The following PDLIM1 variants were observed in gnomAD, a reference collection of about 807,000 sequenced individuals.
PDLIM1 encodes PDZ and LIM domain 1, also known as PDZ and LIM domain protein 1.
In PDLIM1, 25 loss-of-function variants were observed where a neutral mutation model predicts 35.2. The ratio of observed to expected loss-of-function variants is 0.71; its 90% confidence interval spans 0.52 to 0.99. The LOEUF is 0.99. PDLIM1 is among the 50% of genes least tolerant of loss of function. The pLI, the probability that PDLIM1 is intolerant of heterozygous loss-of-function variation, is 0.00. For synonymous variants in PDLIM1, 152 were observed against 154.0 expected, an observed-to-expected ratio of 0.99 and a Z score of 0.10; for missense variants, 363 against 415.3, an observed-to-expected ratio of 0.87 and a Z score of 1.09.
At chr10:95,265,111 C>G (rs1377801922) in intron 3 of PDLIM1, among the ~76,000 whole-genome samples, 1 of 151,988 alleles carries the variant, frequency 6.6e-6, no homozygotes, top group East Asian at 1.9e-4. Flanking sequence ...CTTAAAACAC[C>G]CAGGCCCAGA....
At chr10:95,258,391 A>G (rs1313428546) in intron 4 of PDLIM1, among the ~76,000 whole-genome samples, 1 of 152,112 alleles carries the variant, frequency 6.6e-6, no homozygotes, top group African/African-American at 2.4e-5. Flanking sequence ...AATCCCAGCT[A>G]CTCGGGAGGC....
chr10:95,237,691 C>A lies in PDLIM1; in HGVS notation c.*234G>T. On this transcript the variant is annotated 3_prime_UTR_variant, in exon 7 of 7. Transcript: ENST00000329399. ...AGAGAAGAACGGTGGGGCGAAGGGA[C>A]ACAGTGTTGCTGACAAGGTGACACT... 1.9e-6 allele frequency: 1 copy of A among 516,974 alleles called. No individual in the cohort carries two copies. The highest frequency in any genetic ancestry group is 3.4e-6 in the Non-Finnish European group (1 of 289,996). 32.0% of individuals were successfully genotyped at this position (516,974 alleles called of 1,614,324 possible).
chr10:95,269,659 T>C (rs2035446016), intron 2 of PDLIM1, among the ~76,000 whole-genome samples: 1 of 152,130 alleles, frequency 6.6e-6, no homozygotes, highest in African/African-American at 2.4e-5. Context: ...GATTTTACTT[T>C]AGTCTCAGTT....
At chr10:95,246,193 A>G (rs1396294087) in intron 5 of PDLIM1, among the ~76,000 whole-genome samples, 1 of 152,198 alleles carries the variant, frequency 6.6e-6, no homozygotes, top group Non-Finnish European at 1.5e-5. Context: ...CTCTCTGGAA[A>G]AGACTGCCCA....
intron 2 of PDLIM1, among the ~76,000 whole-genome samples, chr10:95,269,167 T>C (rs937293168): frequency 6.6e-6 from 1 of 152,224 alleles, no homozygotes; most frequent in Non-Finnish European, 1.5e-5. Flanking sequence ...TGACTCACAC[T>C]GCCCTATCTC....
At chr10:95,263,701 G>A (rs563636437) in intron 4 of PDLIM1, among the ~76,000 whole-genome samples, 163 bp downstream of exon 4, 2 of 152,304 alleles carry the variant, frequency 1.3e-5, no homozygotes, top group South Asian at 4.1e-4. Flanking sequence ...AGGAGGTATT[G>A]TCCCCTTTGT....
chr10:95,252,916 A>T (rs997068975), intron 4 of PDLIM1, among the ~76,000 whole-genome samples: 1 of 152,164 alleles, frequency 6.6e-6, no homozygotes, highest in Non-Finnish European at 1.5e-5. Context: ...AAGATCAAAA[A>T]TTCATGTCAA....
intron 4 of PDLIM1, among the ~76,000 whole-genome samples, chr10:95,252,565 G>A (rs568683221): frequency 5.5e-4 from 83 of 152,282 alleles, no homozygotes; most frequent in Middle Eastern, 3.4e-3. Flanking sequence ...ACAATAAAGA[G>A]ATGCCAACAC....
At chr10:95,269,293 CG>C (rs1348493857) in intron 2 of PDLIM1, among the ~76,000 whole-genome samples, 1 of 152,140 alleles carries the variant, frequency 6.6e-6, no homozygotes, top group Non-Finnish European at 1.5e-5. Flanking sequence ...GCCTCTTGGC[CG>C]GGCGTGGTGG....
At position 95,284,182 on chromosome 10, in the gene PDLIM1, C is replaced by T. The variant is rs1274757424; in HGVS notation, c.96+6638G>A. Among the ~76,000 whole-genome samples the T allele has an allele frequency of 2.6e-5, 4 of 152,150 alleles. No individual in the cohort carries two copies. In the South Asian group the frequency reaches 8.3e-4, roughly 32 times the overall value. On this transcript the variant is annotated intron_variant, in intron 1 of 6. Coordinates refer to ENST00000329399, the MANE Select transcript of PDLIM1 (RefSeq NM_020992.4). ...TAGTGTTGCTTGGAAAATTCTCAAA[C>T]TTGTCCTTTAGCACTCATGTGGACC... is the stretch of plus-strand genomic sequence containing the variant.
intron 1 of PDLIM1, among the ~76,000 whole-genome samples, chr10:95,281,365 G>A (rs1177106097): frequency 6.6e-6 from 1 of 152,096 alleles, no homozygotes; most frequent in Non-Finnish European, 1.5e-5. Context: ...GACTGCTTAA[G>A]CCCAGGATCT....
intron 1 of PDLIM1, among the ~76,000 whole-genome samples, chr10:95,289,667 T>A (rs930119341): frequency 6.6e-6 from 1 of 152,160 alleles, no homozygotes; most frequent in African/African-American, 2.4e-5. Flanking sequence ...CATAAGGATA[T>A]TTCCCTTTCT....
chr10:95,278,531 C>T (rs946203557), intron 1 of PDLIM1, among the ~76,000 whole-genome samples: 2 of 151,224 alleles, frequency 1.3e-5, no homozygotes, highest in South Asian at 4.2e-4. Flanking sequence ...GGTGGAATCA[C>T]GGAACACTCC....
intron 1 of PDLIM1, among the ~76,000 whole-genome samples, chr10:95,289,061 T>C (rs569664058): frequency 1.3e-5 from 2 of 152,368 alleles, no homozygotes; most frequent in East Asian, 3.9e-4. Context: ...ATTAAGACTT[T>C]TAAAAGCAGC....
At position 95,243,699 on chromosome 10, in the gene PDLIM1, G is replaced by C. The variant is rs185378018; in HGVS notation, c.685+3516C>G. Reference sequence around the variant, plus strand: ...TGCTCCTTCCAAACCTCCAATCATTGAAAGTCTCCTTCAATGGACAGATGA... The same window carrying C: ...TGCTCCTTCCAAACCTCCAATCATTCAAAGTCTCCTTCAATGGACAGATGA... On this transcript the variant is annotated intron_variant, in intron 5 of 6. Transcript: ENST00000329399. 4.8e-3 allele frequency among the ~76,000 whole-genome samples: 724 copies of C among 152,214 alleles called. 25 individuals carry two copies. Among genetic ancestry groups the C allele is most frequent in the Non-Finnish European group, 6.8e-4 (46 of 68,030 alleles).
intron 2 of PDLIM1, among the ~76,000 whole-genome samples, chr10:95,269,731 T>A (rs141948267): frequency 3.8e-4 from 58 of 152,212 alleles, no homozygotes; most frequent in African/African-American, 1.4e-3. Flanking sequence ...TCTTTATTTA[T>A]TTTATTTATT....
chr10:95,240,192 G>A (rs530557357), intron 5 of PDLIM1, among the ~76,000 whole-genome samples: 4 of 152,226 alleles, frequency 2.6e-5, no homozygotes, highest in African/African-American at 9.6e-5. Context: ...GCACTCTTAC[G>A]TTCATCACAG....
intron 1 of PDLIM1, among the ~76,000 whole-genome samples, chr10:95,283,024 C>A (rs45565633): frequency 6.6e-6 from 1 of 152,290 alleles, no homozygotes; most frequent in East Asian, 1.9e-4. Flanking sequence ...ACAGCTACCA[C>A]CCATAACCCA....
chr10:95,246,130 G>C (rs963597332), intron 5 of PDLIM1, among the ~76,000 whole-genome samples: 9 of 152,308 alleles, frequency 5.9e-5, no homozygotes, highest in African/African-American at 2.2e-4. Flanking sequence ...GAAAGGAAGA[G>C]AGAGTGTGGA....
Sources: allele counts gnomAD v4.1 joint callset (sites outside exome capture counted in the v4.1 genomes callset), GRCh38; gene constraint gnomAD v4.1.1; transcripts MANE v1.5; gene names NCBI Gene and HGNC (gene_info 2026-07-23, HGNC 2026-07-21).